Variants in SLC35F5 observed in about 807,000 individuals in gnomAD.
SLC35F5 encodes HCV NS5A-transactivated protein 3.
SLC35F5 carries 54 observed loss-of-function variants against 68.6 expected under a neutral mutation model. That is an observed-to-expected ratio of 0.79 (90% confidence interval 0.63 to 0.99). SLC35F5 has a LOEUF of 0.99. Ranked by LOEUF, SLC35F5 falls within the 50% of genes least tolerant of loss-of-function variation. The pLI is 0.00. For synonymous variants in SLC35F5, 211 were observed against 205.2 expected (o/e 1.03, Z -0.24); for missense variants, 567 against 626.9 (o/e 0.90, Z 1.02).
rs1050453407 is a variant in SLC35F5 at position 113,756,642 on chromosome 2, T to C, written c.-233A>G. ...CTATGGCCGCGGAGGCCCGGAGATC[T>C]GCTCTGGCCCCGGCCCCGCCCCCGG... On this transcript the variant is annotated 5_prime_UTR_variant, in exon 1 of 16. Transcript: ENST00000245680. The C allele has an allele frequency of 8.4e-7, 1 of 1,186,164 alleles. No homozygotes were observed. The highest frequency in any genetic ancestry group is 1.1e-6 in the Non-Finnish European group (1 of 896,694). 73.5% of individuals were successfully genotyped at this position (1,186,164 alleles called of 1,614,324 possible).
At position 113,731,652 on chromosome 2, in the gene SLC35F5, T is replaced by C; in HGVS notation, c.921-4A>G. 1.2e-6 allele frequency: 2 copies of C among 1,611,146 alleles called. No individual in the cohort carries two copies. The highest frequency in any genetic ancestry group is 1.7e-6 in the Non-Finnish European group (2 of 1,177,544). ...TACCAGTACAACGCCTCCAATGCTA[T>C]GAGAATAACAGTCATTAATGATGAG... On this transcript the variant is annotated splice_region_variant and splice_polypyrimidine_tract_variant and intron_variant, in intron 9 of 15. Transcript: ENST00000245680.
chr2:113,737,702 C>A (rs10206174), intron 7 of SLC35F5, among the ~76,000 whole-genome samples: 2 of 151,824 alleles, frequency 1.3e-5, no homozygotes, highest in Non-Finnish European at 1.5e-5. Context: ...TTCAAAGGTC[C>A]CAAGAATCCT....
At chr2:113,742,599 T>C in intron 7 of SLC35F5, 93 bp downstream of exon 7, 1 of 1,267,596 alleles carries the variant, frequency 7.9e-7, no homozygotes, top group Non-Finnish European at 1.1e-6. Flanking sequence ...ACAACCTAAT[T>C]GTCTCACACT....
chr2:113,718,928 A>AGGAAGGAAGGAAGG (rs1268449934), intron 14 of SLC35F5, among the ~76,000 whole-genome samples: 8 of 42,502 alleles, frequency 1.9e-4, no homozygotes, highest in African/African-American at 4.8e-4. Flanking sequence ...AAAGAAAGAA[A>AGGAAGGAAGGAAGG]AAGAAAGGAA....
intron 13 of SLC35F5, among the ~76,000 whole-genome samples, chr2:113,720,709 A>G (rs1213883849): frequency 6.6e-6 from 1 of 152,222 alleles, no homozygotes; most frequent in African/African-American, 2.4e-5. Flanking sequence ...AAAAGGTATT[A>G]AGAAGTTATA....
intron 4 of SLC35F5, among the ~76,000 whole-genome samples, chr2:113,749,537 T>A (rs988745954): frequency 6.4e-4 from 98 of 152,212 alleles, no homozygotes; most frequent in African/African-American, 2.3e-3. Flanking sequence ...ATGTACTTAT[T>A]AGATAAGACA....
intron 11 of SLC35F5, among the ~76,000 whole-genome samples, chr2:113,729,197 G>A (rs1375859050): frequency 1.3e-5 from 2 of 152,148 alleles, no homozygotes; most frequent in Non-Finnish European, 2.9e-5. Flanking sequence ...CTCACACTGA[G>A]GAGATGGGCA....
At chr2:113,733,660 TTTAATA>T (rs1221096948) in intron 9 of SLC35F5, among the ~76,000 whole-genome samples, 1 of 152,194 alleles carries the variant, frequency 6.6e-6, no homozygotes, top group Non-Finnish European at 1.5e-5. Flanking sequence ...AAGAAAAACA[TTTAATA>T]TTAAGAGCTA....
chr2:113,752,231 AAAG>A, intron 3 of SLC35F5, among the ~76,000 whole-genome samples: 1 of 152,078 alleles, frequency 6.6e-6, no homozygotes, highest in East Asian at 1.9e-4. Context: ...AAAAAAAAAA[AAAG>A]ATTAATAAGG....
chr2:113,740,225 C>T lies in SLC35F5; in HGVS notation c.750+2467G>A, dbSNP rs112214855. Among the ~76,000 whole-genome samples the T allele has an allele frequency of 3.2e-4, 49 of 152,180 alleles. 1 individual carries two copies. The highest frequency in any genetic ancestry group is 9.6e-4 in the African/African-American group (40 of 41,512). ...AATGGAGTGGGAGCTGGCTGTGGAA[C>T]GTGATGATTGTATCAGAAACTTCAG... On this transcript the variant is annotated intron_variant, in intron 7 of 15. Transcript: ENST00000245680.
At chr2:113,742,507 T>C (rs764602761) in intron 7 of SLC35F5, 185 bp downstream of exon 7, 8 of 607,830 alleles carry the variant, frequency 1.3e-5, no homozygotes, top group East Asian at 2.7e-5. Context: ...TTCTAACTCT[T>C]TGAGGTATAT....
intron 12 of SLC35F5, among the ~76,000 whole-genome samples, chr2:113,725,144 T>C (rs757939939): frequency 2.0e-5 from 3 of 152,190 alleles, no homozygotes; most frequent in East Asian, 1.9e-4. Context: ...ATATTCATTC[T>C]TTCATTCAAC....
rs900016357 is a variant in SLC35F5, at chr2:113,713,402, T to G, written c.*1816A>C. 4 of 152,194 alleles carry G rather than the reference T, an allele frequency of 2.6e-5. No individual in the cohort carries two copies. The highest frequency in any genetic ancestry group is 5.9e-5 in the Non-Finnish European group (4 of 68,032). 9.4% of individuals were successfully genotyped at this position (152,194 alleles called of 1,614,324 possible). ...AGATTCTAAGCTCAGCCTCTTTCCC[T>G]ATAGTATTTACAGAATAATTTTAAA... On this transcript the variant is annotated 3_prime_UTR_variant, in exon 16 of 16. Transcript: ENST00000245680.
chr2:113,731,581 T>TA lies in SLC35F5; in HGVS notation c.985+2dup. On this transcript the variant is annotated splice_region_variant and intron_variant, in intron 10 of 15. Coordinates refer to ENST00000245680, the MANE Select transcript of SLC35F5 (RefSeq NM_025181.5). ...CAGAGAGAATCCAGAGTCCAGTACT[T>TA]ACCTACTGTGTCTCTTCCAGCAGGT... 1 of 1,610,888 alleles carries TA rather than the reference T, an allele frequency of 6.2e-7. No homozygotes were observed. Among genetic ancestry groups the TA allele is most frequent in the Non-Finnish European group, 8.5e-7 (1 of 1,177,296 alleles).
At position 113,755,258 on chromosome 2, in the gene SLC35F5, G is replaced by A. The variant is rs1322838405; in HGVS notation, c.180C>T (p.Asn60=). 1.2e-6 allele frequency: 2 copies of A among 1,614,120 alleles called. No individual in the cohort carries two copies. The highest frequency in any genetic ancestry group is 2.2e-5 in the East Asian group (1 of 44,884). Residue 60 remains asparagine, a synonymous_variant, in exon 3 of 16, where the codon AAC becomes AAT. Coordinates refer to ENST00000245680, the MANE Select transcript of SLC35F5 (RefSeq NM_025181.5). Reference sequence around the variant, plus strand: ...TTCGCCTGCGCTGAGTGAAACCACTGTTCTGGGAATTCATTCGGTTCATGA... The same window carrying A: ...TTCGCCTGCGCTGAGTGAAACCACTATTCTGGGAATTCATTCGGTTCATGA... ...VFVMNRMNSQ[N]SGFTQRRRMA...
rs1255184556 is a variant in SLC35F5, at chr2:113,714,461, A to G, written c.*757T>C. 6.6e-6 allele frequency: 1 copy of G among 152,130 alleles called. No individual in the cohort carries two copies. Among genetic ancestry groups the G allele is most frequent in the African/African-American group, 2.4e-5 (1 of 41,450 alleles). 9.4% of individuals were successfully genotyped at this position (152,130 alleles called of 1,614,324 possible). On this transcript the variant is annotated 3_prime_UTR_variant, in exon 16 of 16. Coordinates refer to ENST00000245680, the MANE Select transcript of SLC35F5 (RefSeq NM_025181.5). ...GGAGACTATTTCTTCAAAACTCTAA[A>G]TTAAACAGAGCTTTATCAATTAAGT...
intron 4 of SLC35F5, among the ~76,000 whole-genome samples, chr2:113,748,004 A>C (rs907197387): frequency 1.3e-5 from 2 of 152,104 alleles, no homozygotes; most frequent in Non-Finnish European, 2.9e-5. Context: ...AGGCAGGAGA[A>C]TCACTTGAAC....
rs1472350875 is a variant in SLC35F5 at position 113,709,348 on chromosome 2, C to T, written c.*5870G>A. 6.6e-6 allele frequency among the ~76,000 whole-genome samples: 1 copy of T among 151,858 alleles called. No individual in the cohort carries two copies. The highest frequency in any genetic ancestry group is 2.4e-5 in the African/African-American group (1 of 41,116). ...GTGTTTGGCATTGTCTCTGGAACTA[C>T]AAAATTAAACTTTTAGAATCACAGC... is the stretch of plus-strand genomic sequence containing the variant. On this transcript the variant is annotated 3_prime_UTR_variant, in exon 16 of 16. Transcript: ENST00000245680.
At chr2:113,741,225 G>C (rs900559377) in intron 7 of SLC35F5, among the ~76,000 whole-genome samples, 1 of 152,070 alleles carries the variant, frequency 6.6e-6, no homozygotes, top group Admixed American at 6.5e-5. Flanking sequence ...AGGTACTTAT[G>C]AGTAGTCAAA....
Sources: gnomAD v4.1 joint callset for allele counts (sites outside exome capture counted in the v4.1 genomes callset) on GRCh38, gnomAD v4.1.1 for gene constraint, MANE v1.5 for transcripts, NCBI Gene and HGNC (gene_info 2026-07-23, HGNC 2026-07-21) for gene names.